The following MAP3K19 variants were observed in gnomAD, a reference collection of about 807,000 sequenced individuals.
MAP3K19 encodes the protein mitogen-activated protein kinase kinase kinase 19, also known as SPS1/STE20-related protein kinase YSK4.
MAP3K19 carries 91 observed loss-of-function variants against 114.4 expected under a neutral mutation model. The observed-to-expected ratio is 0.80, with a 90% CI of 0.67 to 0.95. The LOEUF is 0.95. Ranked by LOEUF, MAP3K19 falls within the 40% of genes least tolerant of loss-of-function variation. The pLI, the probability that MAP3K19 is intolerant of heterozygous loss-of-function variation, is 0.00. For missense variants in MAP3K19, 1,471 were observed against 1,573.2 expected (o/e 0.94, Z 1.10); for synonymous variants, 518 against 530.5 (o/e 0.98, Z 0.32).
rs567340975 is a variant in MAP3K19, at chr2:134,997,548, C to T, written c.574+1190G>A. The stretch of plus-strand genomic sequence containing the variant: ...AACAAAAAAAAATTTAGGCCAGGCG[C>T]AGTGGCTCACACCTGTAATCCCAGC... On this transcript the variant is annotated intron_variant, in intron 8 of 12. Transcript: ENST00000392915. 5.9e-5 allele frequency among the ~76,000 whole-genome samples: 9 copies of T among 152,184 alleles called. No individual in the cohort carries two copies. In the East Asian group the frequency reaches 9.7e-4, roughly 16 times the overall value.
intron 12 of MAP3K19, among the ~76,000 whole-genome samples, chr2:134,968,853 C>A (rs1210435972): frequency 1.3e-5 from 2 of 150,532 alleles, no homozygotes; most frequent in Non-Finnish European, 3.0e-5. Flanking sequence ...AGAGACGCTC[C>A]TCACTTTCCA....
intron 9 of MAP3K19, among the ~76,000 whole-genome samples, chr2:134,990,469 T>TTTG (rs1553540048): frequency 1.3e-5 from 2 of 151,722 alleles, no homozygotes; most frequent in Non-Finnish European, 2.9e-5. Flanking sequence ...TGTTTTTTTT[T>TTTG]TTTGTTTGTT....
rs145705010 is a variant in MAP3K19, at chr2:135,016,799, A to G, written c.138+4916T>C. On this transcript the variant is annotated intron_variant, in intron 5 of 12. Transcript: ENST00000392915. Reference sequence around the variant, plus strand: ...ACATCTGGTGCCATTCCAGTTTCCTATCCTTTATATTATCTCTCTCTCTTT... The same window carrying G: ...ACATCTGGTGCCATTCCAGTTTCCTGTCCTTTATATTATCTCTCTCTCTTT... 3.0e-3 allele frequency among the ~76,000 whole-genome samples: 453 copies of G among 152,196 alleles called. 2 individuals carry two copies. Among genetic ancestry groups the G allele is most frequent in the African/African-American group, 0.01 (421 of 41,528 alleles).
At chr2:134,967,442 A>C (rs1453056934) in intron 12 of MAP3K19, among the ~76,000 whole-genome samples, 3 of 152,182 alleles carry the variant, frequency 2.0e-5, no homozygotes, top group Non-Finnish European at 2.9e-5. Context: ...AACTGAATGT[A>C]TCGGTATAAA....
intron 3 of MAP3K19, among the ~76,000 whole-genome samples, chr2:135,024,972 C>T (rs1302592836): frequency 6.6e-6 from 1 of 152,102 alleles, no homozygotes; most frequent in East Asian, 1.9e-4. Context: ...TAAAAACATT[C>T]TGAGGTTTGC....
Position 134,998,695 on chromosome 2 carries a change from G to A in MAP3K19, c.574+43C>T, listed in dbSNP as rs58663889. Reference sequence around the variant, plus strand: ...TGCCTGGCACAATACATAAATATTTGTTGACCAAAAGGACTCACTGTGGAA... The same window carrying A: ...TGCCTGGCACAATACATAAATATTTATTGACCAAAAGGACTCACTGTGGAA... On this transcript the variant is annotated intron_variant, in intron 8 of 12. Transcript: ENST00000392915. The A allele has an allele frequency of 4.5e-6, 7 of 1,547,478 alleles. No homozygotes were observed. In the Admixed American group the frequency reaches 5.8e-5, roughly 13 times the overall value.
intron 11 of MAP3K19, among the ~76,000 whole-genome samples, chr2:134,982,891 C>T (rs1249407948): frequency 3.3e-5 from 5 of 152,098 alleles, no homozygotes; most frequent in South Asian, 2.1e-4. Flanking sequence ...TTTCTTTACT[C>T]GTCTATGTAA....
chr2:134,989,458 T>C (rs1685401831), intron 9 of MAP3K19, among the ~76,000 whole-genome samples: 2 of 152,326 alleles, frequency 1.3e-5, no homozygotes, highest in Non-Finnish European at 2.9e-5. Flanking sequence ...AGATGTAGTG[T>C]AGACCCCAGT....
At position 134,987,884 on chromosome 2, in the gene MAP3K19, A is replaced by G; in HGVS notation, c.988T>C (p.Leu330=). 6.2e-7 allele frequency: 1 copy of G among 1,613,792 alleles called. No individual in the cohort carries two copies. The highest frequency in any genetic ancestry group is 1.1e-5 in the South Asian group (1 of 91,084). Reference sequence around the variant, plus strand: ...TCCTTCAAATTCTCAAAAGACACCAAAGACTGCCCTTTTTCAAAGTGAGTG... The same window carrying G: ...TCCTTCAAATTCTCAAAAGACACCAGAGACTGCCCTTTTTCAAAGTGAGTG... ...EITHFEKGQS[L]VSFENLKEGN... Residue 330 remains leucine, a synonymous_variant, in exon 10 of 13, where the codon TTG becomes CTG. Transcript: ENST00000392915.
chr2:135,003,036 A>AC (rs1686562232), intron 6 of MAP3K19, among the ~76,000 whole-genome samples: 1 of 152,188 alleles, frequency 6.6e-6, no homozygotes, highest in Non-Finnish European at 1.5e-5. Context: ...GCCCCGATCC[A>AC]GCTGGATTTG....
intron 12 of MAP3K19, among the ~76,000 whole-genome samples, chr2:134,977,047 G>GAA (rs369837575): frequency 0.042 from 4,868 of 116,050 alleles, 369 homozygotes; most frequent in East Asian, 0.39. Context: ...CTCCGTCTCG[G>GAA]AAAAAAAAAA....
At chr2:135,039,273 TCC>T (rs1688599393) in intron 2 of MAP3K19, among the ~76,000 whole-genome samples, 1 of 152,042 alleles carries the variant, frequency 6.6e-6, no homozygotes, top group Non-Finnish European at 1.5e-5. Context: ...GGATTGAGGG[TCC>T]ACTTGCATTT....
chr2:134,988,266 C>T lies in MAP3K19; in HGVS notation c.619-13G>A, dbSNP rs2105241578. ...GTGGCAGAAGGAACTAAAAGGAAGA[C>T]AGAAAAAGCTGTGAATGCAGAAACA... On this transcript the variant is annotated splice_polypyrimidine_tract_variant and intron_variant, in intron 9 of 12. Coordinates refer to ENST00000392915, the MANE Select transcript of MAP3K19 (RefSeq NM_025052.5). 5 of 1,531,412 alleles carry T rather than the reference C, an allele frequency of 3.3e-6. No homozygotes were observed. In the Middle Eastern group the frequency reaches 5.3e-4, roughly 162 times the overall value. 94.9% of individuals were successfully genotyped at this position (1,531,412 alleles called of 1,614,324 possible). A position where few individuals can be genotyped will look rare whatever the true frequency, so the allele number is the denominator to read the frequency against.
chr2:135,032,356 G>GAA (rs760579264), intron 2 of MAP3K19, among the ~76,000 whole-genome samples: 7 of 72,196 alleles, frequency 9.7e-5, no homozygotes, highest in Admixed American at 5.0e-4. Flanking sequence ...GACTCTGTCT[G>GAA]AAAAAAAAAA....
intron 12 of MAP3K19, among the ~76,000 whole-genome samples, chr2:134,968,582 C>T (rs1404792311): frequency 6.6e-6 from 1 of 151,302 alleles, no homozygotes; most frequent in African/African-American, 2.5e-5. Flanking sequence ...AGGGGCTCCT[C>T]ACTTCTCAGA....
chr2:134,973,837 G>A (rs991402324), intron 12 of MAP3K19, among the ~76,000 whole-genome samples: 8 of 152,100 alleles, frequency 5.3e-5, no homozygotes, highest in Non-Finnish European at 1.0e-4. Flanking sequence ...CCAGGTGTAG[G>A]ACTTTCTTAA....
At chr2:134,975,303 G>C (rs1684158789) in intron 12 of MAP3K19, among the ~76,000 whole-genome samples, 1 of 152,178 alleles carries the variant, frequency 6.6e-6, no homozygotes, top group South Asian at 2.1e-4. Context: ...TAATGCTTGG[G>C]CTCCATAGCA....
In MAP3K19 at chr2:134,998,988, G is replaced by A; in HGVS notation, c.324C>T (p.Asn108=). ...CTTGTGCCCATTCTTGAAGCGATGAGTTTATCAGACTAAAGGGGGAGGGAA... is the reference window on the plus strand; with the variant it reads ...CTTGTGCCCATTCTTGAAGCGATGAATTTATCAGACTAAAGGGGGAGGGAA... ...QEDLKEKNLI[N]SSLQEWAQAH... is the part of the protein sequence containing the mutation. The change falls in exon 8 of 13, where the codon AAC becomes AAT. Residue 108 remains asparagine (N), a synonymous_variant. Coordinates refer to ENST00000392915, the MANE Select transcript of MAP3K19 (RefSeq NM_025052.5). The A allele has an allele frequency of 6.2e-7, 1 of 1,612,202 alleles. No homozygotes were observed. The highest frequency in any genetic ancestry group is 1.1e-5 in the South Asian group (1 of 90,522).
chr2:135,041,082 T>C lies in MAP3K19; in HGVS notation c.-423-580A>G, dbSNP rs77822873. On this transcript the variant is annotated intron_variant, in intron 1 of 12. Coordinates refer to ENST00000392915, the MANE Select transcript of MAP3K19 (RefSeq NM_025052.5). Reference sequence around the variant, plus strand: ...TTTAGCTTGTTTATTAACCACCTTATACGTATTTCCTTTCTGAAAGTCCTA... The same window carrying C: ...TTTAGCTTGTTTATTAACCACCTTACACGTATTTCCTTTCTGAAAGTCCTA... Among the ~76,000 whole-genome samples the C allele has an allele frequency of 4.0e-3, 609 of 152,176 alleles. 4 individuals carry two copies. The highest frequency in any genetic ancestry group is 0.014 in the African/African-American group (583 of 41,502).
Sources: gnomAD v4.1 joint callset for allele counts (sites outside exome capture counted in the v4.1 genomes callset) on GRCh38, gnomAD v4.1.1 for gene constraint, MANE v1.5 for transcripts, NCBI Gene and HGNC (gene_info 2026-07-23, HGNC 2026-07-21) for gene names.